RGS6: variants seen among roughly 807,000 people sequenced by gnomAD.
RGS6 encodes regulator of G protein signaling 6.
Under a neutral mutation model 78.5 loss-of-function variants are expected in RGS6, and 30 were observed. That is an observed-to-expected ratio of 0.38 (90% CI 0.29 to 0.52). The LOEUF is 0.52. RGS6 is among the 20% of genes least tolerant of loss of function. RGS6 has a pLI of 0.85. For missense variants in RGS6, 495 were observed against 609.7 expected (o/e 0.81, Z 1.98); for synonymous variants, 206 against 206.0 (o/e 1.00, Z 0.00).
chr14:72,339,121 A>G (rs764553086), intron 2 of RGS6, among the ~76,000 whole-genome samples: 22 of 152,060 alleles, frequency 1.4e-4, no homozygotes, highest in Non-Finnish European at 2.6e-4. Flanking sequence ...TATGATCAGA[A>G]TGTTGTGTCC....
At chr14:71,906,672 C>T in the RGS6 span, among the ~76,000 whole-genome samples, 1 of 151,228 alleles carries the variant, frequency 6.6e-6, no homozygotes, top group Non-Finnish European at 1.5e-5. Context: ...AAATATATGT[C>T]ATTTAACTTA....
chr14:72,522,049 C>T (rs8006770), intron 15 of RGS6, among the ~76,000 whole-genome samples: 3,301 of 152,214 alleles, frequency 0.022, 105 homozygotes, highest in African/African-American at 0.071. Context: ...TGTGTAGCTA[C>T]GTGTAAGGTC....
At position 72,550,446 on chromosome 14, in the gene RGS6, G is replaced by A. The variant is rs1327329440; in HGVS notation, c.1422+10352G>A. On this transcript the variant is annotated intron_variant, in intron 17 of 17. Coordinates refer to ENST00000553525, the MANE Select transcript of RGS6 (RefSeq NM_001204424.2). ...GCACCAAGTACATCTGAGCCCCCGT[G>A]CCTAACAGGAAAAGACAGACTGTCA... is the stretch of plus-strand genomic sequence containing the variant. 13 of 1,534,658 alleles carry A rather than the reference G, an allele frequency of 8.5e-6. No homozygotes were observed. The East Asian group carries it at 2.4e-4, about 29-fold the overall frequency.
At chr14:72,322,377 A>G (rs1369879567) in intron 2 of RGS6, among the ~76,000 whole-genome samples, 1 of 152,030 alleles carries the variant, frequency 6.6e-6, no homozygotes, top group Non-Finnish European at 1.5e-5. Context: ...ACAACAATCT[A>G]AGGAAATGAA....
At chr14:72,593,488 A>G in the RGS6 span, among the ~76,000 whole-genome samples, 2 of 152,090 alleles carry the variant, frequency 1.3e-5, no homozygotes, top group East Asian at 3.9e-4. Flanking sequence ...AGGTTCAAGC[A>G]ATTCTCCTGC....
chr14:72,541,368 A>C, intron 17 of RGS6: 7 of 1,392,778 alleles, frequency 5.0e-6, no homozygotes, highest in Non-Finnish European at 6.7e-6. Context: ...CTACATGTAA[A>C]CCTCAAATAA....
Position 72,049,507 on chromosome 14 carries a change from T to C in RGS6, c.84+84632T>C, listed in dbSNP as rs557705694. The stretch of plus-strand genomic sequence containing the variant: ...GCTTTCTATTGGCAAAAATCTCTCA[T>C]CTTTTGCAGATGCACTGAGATCCCA... On this transcript the variant is annotated intron_variant, in intron 2 of 17. Transcript: ENST00000553525. Among the ~76,000 whole-genome samples the C allele has an allele frequency of 6.2e-4, 95 of 152,276 alleles. 1 individual carries two copies. The highest frequency in any genetic ancestry group is 3.4e-3 in the Middle Eastern group (1 of 294).
chr14:72,517,447 GGCTGCT>G (rs569778662), intron 14 of RGS6, among the ~76,000 whole-genome samples: 109 of 152,146 alleles, frequency 7.2e-4, no homozygotes, highest in African/African-American at 2.5e-3. Context: ...CTTTGGCTCT[GGCTGCT>G]GCTGCTCTCA....
the RGS6 span, chr14:72,629,647 G>C: frequency 1.7e-5 from 26 of 1,535,926 alleles, no homozygotes; most frequent in Non-Finnish European, 2.2e-5. Flanking sequence ...GTCCCACAGA[G>C]GATACAGGAT....
intron 1 of RGS6, among the ~76,000 whole-genome samples, chr14:71,963,434 T>C (rs2093333284): frequency 6.6e-6 from 1 of 152,232 alleles, no homozygotes; most frequent in Non-Finnish European, 1.5e-5. Flanking sequence ...TTTCATGCTT[T>C]CACAGTGTTC....
chr14:71,967,934 A>G (rs1231049102), intron 2 of RGS6, among the ~76,000 whole-genome samples: 1 of 152,136 alleles, frequency 6.6e-6, no homozygotes, highest in Non-Finnish European at 1.5e-5. Context: ...TTTTCATGTC[A>G]TTAACTGTGA....
At chr14:72,382,737 G>A (rs986029109) in intron 3 of RGS6, among the ~76,000 whole-genome samples, 6 of 152,104 alleles carry the variant, frequency 3.9e-5, no homozygotes, top group African/African-American at 9.7e-5. Flanking sequence ...ATAGTCATAT[G>A]GTAGAATTAT....
intron 3 of RGS6, among the ~76,000 whole-genome samples, chr14:72,449,451 G>A (rs1329126965): frequency 6.6e-6 from 1 of 152,148 alleles, no homozygotes; most frequent in Non-Finnish European, 1.5e-5. Context: ...ATCTCCTGCG[G>A]TTCTGATGCG....
At chr14:72,458,485 A>G (rs2095690673) in intron 5 of RGS6, 108 bp downstream of exon 5, 1 of 803,420 alleles carries the variant, frequency 1.2e-6, no homozygotes, top group Non-Finnish European at 2.0e-6. Context: ...AGTAGCCCTC[A>G]CTCCTCATCA....
chr14:72,556,178 G>A (rs1376657177), intron 17 of RGS6, among the ~76,000 whole-genome samples: 1 of 152,220 alleles, frequency 6.6e-6, no homozygotes, highest in Admixed American at 6.5e-5. Context: ...AAATACCTGA[G>A]ACTGGGTAAT....
chr14:71,964,018 G>A (rs986720448), intron 1 of RGS6, among the ~76,000 whole-genome samples: 2 of 149,204 alleles, frequency 1.3e-5, no homozygotes, highest in Admixed American at 6.8e-5. Context: ...TCCTTGCCAA[G>A]ACTTACTTGA....
chr14:72,065,776 TA>T (rs1297848098), intron 2 of RGS6, among the ~76,000 whole-genome samples: 9 of 152,256 alleles, frequency 5.9e-5, no homozygotes, highest in Middle Eastern at 3.4e-3. Context: ...TATTTTATTT[TA>T]TTTTTTTATT....
the RGS6 span, among the ~76,000 whole-genome samples, chr14:72,611,157 A>G: frequency 1.3e-5 from 2 of 152,174 alleles, no homozygotes; most frequent in African/African-American, 2.4e-5. Context: ...ACATCCACAC[A>G]TGGACAGATA....
At chr14:72,620,956 C>T in the RGS6 span, among the ~76,000 whole-genome samples, 2 of 152,166 alleles carry the variant, frequency 1.3e-5, no homozygotes, top group African/African-American at 2.4e-5. Flanking sequence ...GCTTGGCCAA[C>T]ATGGTGAAAC....
Sources: gnomAD v4.1 joint callset for allele counts (sites outside exome capture counted in the v4.1 genomes callset) on GRCh38, gnomAD v4.1.1 for gene constraint, MANE v1.5 for transcripts, NCBI Gene and HGNC (gene_info 2026-07-23, HGNC 2026-07-21) for gene names.